The following TPST2 variants were observed in gnomAD, a reference collection of about 807,000 sequenced individuals.
TPST2 encodes the protein tyrosylprotein sulfotransferase 2.
TPST2 carries 16 observed loss-of-function variants against 27.8 expected under a neutral mutation model. That is an observed-to-expected ratio of 0.58 (90% CI 0.39 to 0.88). The LOEUF (loss-of-function observed/expected upper bound fraction) is 0.88. TPST2 is among the 40% of genes least tolerant of loss of function. The pLI, the probability that TPST2 is intolerant of heterozygous loss-of-function variation, is 0.00. For synonymous variants in TPST2, 229 were observed against 231.7 expected (o/e 0.99, Z 0.10); for missense variants, 464 against 543.1 (o/e 0.85, Z 1.45).
chr22:26,551,451 ACGTAAAGGAACCTG>A (rs1014575985), intron 1 of TPST2, among the ~76,000 whole-genome samples: 1 of 152,128 alleles, frequency 6.6e-6, no homozygotes. Context: ...GGGCTCAGAG[ACGTAAAGGAACCTG>A]CCGAAGGCCA....
At chr22:26,588,726 G>A (rs1928436796) in intron 1 of TPST2, among the ~76,000 whole-genome samples, 1 of 152,154 alleles carries the variant, frequency 6.6e-6, no homozygotes, top group Non-Finnish European at 1.5e-5. Context: ...TATGGAAACT[G>A]AGACTAGATC....
chr22:26,577,514 A>AT (rs1042772231), intron 1 of TPST2, among the ~76,000 whole-genome samples: 3 of 150,912 alleles, frequency 2.0e-5, no homozygotes, highest in Non-Finnish European at 3.0e-5. Flanking sequence ...TGCCCAGCTA[A>AT]TTTTTTGTAT....
rs557688821 is a variant in TPST2, at chr22:26,527,407, C to T, written c.*7+807G>A. 2.0e-5 allele frequency among the ~76,000 whole-genome samples: 3 copies of T among 152,284 alleles called. No individual in the cohort carries two copies. The East Asian group carries it at 5.8e-4, about 29-fold the overall frequency. On this transcript the variant is annotated intron_variant, in intron 6 of 6. Transcript: ENST00000338754. ...CCAAGCACTCCCACCTGGGCCAGCT[C>T]ACGCCATCTCATGGCCAACCTCAGA...
intron 1 of TPST2, among the ~76,000 whole-genome samples, chr22:26,551,468 G>A (rs371596786): frequency 3.9e-5 from 6 of 152,134 alleles, no homozygotes; most frequent in African/African-American, 9.7e-5. Flanking sequence ...GGAACCTGCC[G>A]AAGGCCATGC....
In TPST2 at chr22:26,544,672, A is replaced by C. The variant is rs1029853467; in HGVS notation, c.-157T>G. The C allele has an allele frequency of 1.0e-6, 1 of 985,964 alleles. No individual in the cohort carries two copies. Among genetic ancestry groups the C allele is most frequent in the African/African-American group, 1.7e-5 (1 of 57,362 alleles). 61.1% of individuals were successfully genotyped at this position (985,964 alleles called of 1,614,324 possible). A position where few individuals can be genotyped will look rare whatever the true frequency, so the allele number is the denominator to read the frequency against. The stretch of plus-strand genomic sequence containing the variant: ...GTGTGCCAAGGCTGTCTGCTGGCAG[A>C]GCCCTGGAGAGGCAAAGGAGATATT... On this transcript the variant is annotated 5_prime_UTR_variant, in exon 2 of 7. Coordinates refer to ENST00000338754, the MANE Select transcript of TPST2 (RefSeq NM_003595.5).
At chr22:26,539,722 T>C (rs1159534251) in intron 3 of TPST2, among the ~76,000 whole-genome samples, 3 of 152,034 alleles carry the variant, frequency 2.0e-5, no homozygotes, top group African/African-American at 7.3e-5. Flanking sequence ...TTAGCTGGGA[T>C]CGTGCCACTG....
chr22:26,588,449 A>G (rs1928425964), intron 1 of TPST2, among the ~76,000 whole-genome samples: 1 of 152,188 alleles, frequency 6.6e-6, no homozygotes, highest in African/African-American at 2.4e-5. Context: ...AAAATGTTCT[A>G]AAATTAGACA....
chr22:26,542,418 C>T (rs1283404261), intron 2 of TPST2, among the ~76,000 whole-genome samples: 2 of 151,462 alleles, frequency 1.3e-5, no homozygotes, highest in African/African-American at 4.9e-5. Context: ...TTCAAGTGAT[C>T]CTCCCGCCTC....
At chr22:26,531,723 T>C (rs911375036) in intron 5 of TPST2, among the ~76,000 whole-genome samples, 2 of 152,190 alleles carry the variant, frequency 1.3e-5, no homozygotes, top group African/African-American at 4.8e-5. Flanking sequence ...TAGCATCAGC[T>C]GCCACAGATT....
intron 1 of TPST2, among the ~76,000 whole-genome samples, chr22:26,569,412 G>A (rs548963418): frequency 1.3e-4 from 20 of 152,156 alleles, no homozygotes; most frequent in Non-Finnish European, 2.5e-4. Flanking sequence ...AGACACATTC[G>A]TCTTTTGAAA....
At chr22:26,561,844 T>C (rs1016426643) in intron 1 of TPST2, among the ~76,000 whole-genome samples, 3 of 152,166 alleles carry the variant, frequency 2.0e-5, no homozygotes, top group Non-Finnish European at 2.9e-5. Flanking sequence ...CAGCATGACT[T>C]TGAAGCTGCA....
chr22:26,551,677 TG>T (rs1926476638), intron 1 of TPST2, among the ~76,000 whole-genome samples: 1 of 152,012 alleles, frequency 6.6e-6, no homozygotes, highest in East Asian at 1.9e-4. Context: ...CTGATGAGGC[TG>T]GGGGTCACAT....
At chr22:26,564,855 T>C (rs1017491590) in intron 1 of TPST2, among the ~76,000 whole-genome samples, 2 of 152,130 alleles carry the variant, frequency 1.3e-5, no homozygotes, top group Admixed American at 6.5e-5. Context: ...AAGTCAGCAT[T>C]ACTCATCTGA....
chr22:26,532,007 G>A (rs1291515453), intron 5 of TPST2, among the ~76,000 whole-genome samples: 2 of 152,206 alleles, frequency 1.3e-5, no homozygotes, highest in Admixed American at 1.3e-4. Flanking sequence ...GATGGTGTGT[G>A]TCTGTAGTCT....
chr22:26,588,927 G>A (rs1345213257), intron 1 of TPST2, among the ~76,000 whole-genome samples: 1 of 152,192 alleles, frequency 6.6e-6, no homozygotes, highest in Non-Finnish European at 1.5e-5. Context: ...ATGTCTGTTG[G>A]GAAGTGAGAA....
chr22:26,586,025 A>G (rs1309273373), intron 1 of TPST2, among the ~76,000 whole-genome samples: 1 of 152,128 alleles, frequency 6.6e-6, no homozygotes, highest in Non-Finnish European at 1.5e-5. Flanking sequence ...CCTGGACAAC[A>G]CAGCGAAACT....
intron 1 of TPST2, among the ~76,000 whole-genome samples, chr22:26,588,199 T>TAAA (rs34033548): frequency 1.2e-3 from 171 of 145,290 alleles, no homozygotes; most frequent in African/African-American, 3.7e-3. Context: ...ACGAAGTACT[T>TAAA]AAAAAAAAAA....
intron 1 of TPST2, among the ~76,000 whole-genome samples, chr22:26,558,542 G>C (rs1285025551): frequency 6.6e-6 from 1 of 152,234 alleles, no homozygotes; most frequent in East Asian, 1.9e-4. Context: ...GTGATGTGGA[G>C]AGAGCCCCCT....
chr22:26,577,050 T>C (rs906860288), intron 1 of TPST2, among the ~76,000 whole-genome samples: 95 of 145,870 alleles, frequency 6.5e-4, no homozygotes, highest in Non-Finnish European at 1.1e-3. Flanking sequence ...GAGCTGAGAT[T>C]GCGCCACTGC....
Sources: allele counts gnomAD v4.1 joint callset (sites outside exome capture counted in the v4.1 genomes callset), GRCh38; gene constraint gnomAD v4.1.1; transcripts MANE v1.5; gene names NCBI Gene and HGNC (gene_info 2026-07-23, HGNC 2026-07-21).